The following CTNND2 variants were observed in gnomAD, a reference collection of about 807,000 sequenced individuals.
CTNND2 encodes catenin delta 2.
CTNND2 carries 22 observed loss-of-function variants against 144.4 expected under a neutral mutation model. The ratio of observed to expected loss-of-function variants is 0.15; its 90% confidence interval spans 0.11 to 0.22. The LOEUF (loss-of-function observed/expected upper bound fraction) is 0.22. CTNND2 is among the 10% of genes least tolerant of loss of function. The probability of loss-of-function intolerance (pLI) is 1.00; values close to 1 mark genes in which losing one functional copy is unlikely to be tolerated. For synonymous variants in CTNND2, 751 were observed against 695.6 expected, an observed-to-expected ratio of 1.08 and a Z score of -1.25; for missense variants, 1,353 against 1,618.8, an observed-to-expected ratio of 0.84 and a Z score of 2.82.
intron 2 of CTNND2, among the ~76,000 whole-genome samples, chr5:11,684,382 G>A (rs984991704): frequency 3.3e-5 from 5 of 152,106 alleles, no homozygotes; most frequent in South Asian, 2.1e-4. Context: ...GATTACAGGC[G>A]TGAGCCACCG....
chr5:11,794,074 G>A (rs1272472985), intron 1 of CTNND2, among the ~76,000 whole-genome samples: 1 of 152,232 alleles, frequency 6.6e-6, no homozygotes, highest in African/African-American at 2.4e-5. Flanking sequence ...CTGCATGTCA[G>A]TGTACCATAT....
intron 16 of CTNND2, among the ~76,000 whole-genome samples, chr5:11,065,163 G>C (rs1431190670): frequency 1.3e-5 from 2 of 152,234 alleles, no homozygotes; most frequent in Non-Finnish European, 2.9e-5. Flanking sequence ...TAGAAGTCCT[G>C]CTTTAAGCCA....
intron 1 of CTNND2, among the ~76,000 whole-genome samples, chr5:11,800,453 T>C (rs932599615): frequency 4.6e-5 from 7 of 152,146 alleles, no homozygotes; most frequent in African/African-American, 1.4e-4. Context: ...TTTAAAGATG[T>C]TATTGAGCGT....
rs1265564330 is a variant in CTNND2, at chr5:11,647,694, T to C, written c.175-82638A>G. Reference sequence around the variant, plus strand: ...GGCTTCTCCACCTGTCTGATAACCATTGGCGACCTTCTCAAGGTTGCATCA... The same window carrying C: ...GGCTTCTCCACCTGTCTGATAACCACTGGCGACCTTCTCAAGGTTGCATCA... On this transcript the variant is annotated intron_variant, in intron 2 of 21. Transcript: ENST00000304623. Among the ~76,000 whole-genome samples, 7 of 152,134 alleles carry C rather than the reference T, an allele frequency of 4.6e-5. No individual in the cohort carries two copies. In the South Asian group the frequency reaches 1.0e-3, roughly 23 times the overall value.
At chr5:11,392,529 GAAAATGTTACAGC>G (rs1759725789) in intron 6 of CTNND2, among the ~76,000 whole-genome samples, 1 of 152,106 alleles carries the variant, frequency 6.6e-6, no homozygotes, top group Non-Finnish European at 1.5e-5. Flanking sequence ...GCTCAGAAGA[GAAAATGTTACAGC>G]AAAACACATA....
chr5:11,647,227 T>G (rs569318543), intron 2 of CTNND2, among the ~76,000 whole-genome samples: 1 of 152,220 alleles, frequency 6.6e-6, no homozygotes, highest in South Asian at 2.1e-4. Context: ...CCCCAATTCT[T>G]TTGTCAATTT....
Position 11,052,426 on chromosome 5 carries a change from T to C in CTNND2, c.2789-29447A>G, listed in dbSNP as rs1745936238. Reference sequence around the variant, plus strand: ...TGTCCTCATTAACGTCACTTACTATTCCAGGAGATTCTTGCCAATGCAAAT... The same window carrying C: ...TGTCCTCATTAACGTCACTTACTATCCCAGGAGATTCTTGCCAATGCAAAT... On this transcript the variant is annotated intron_variant, in intron 16 of 21. Transcript: ENST00000304623. Among the ~76,000 whole-genome samples, 4 of 152,282 alleles carry C rather than the reference T, an allele frequency of 2.6e-5. No individual in the cohort carries two copies. In the South Asian group the frequency reaches 8.3e-4, roughly 32 times the overall value.
intron 16 of CTNND2, among the ~76,000 whole-genome samples, chr5:11,053,814 T>C (rs1746082862): frequency 1.3e-5 from 2 of 152,240 alleles, no homozygotes; most frequent in Admixed American, 1.3e-4. Context: ...TTCCAGCTTC[T>C]GTGTGGTTGC....
chr5:11,023,299 GC>G (rs1182852790), intron 16 of CTNND2, among the ~76,000 whole-genome samples: 1 of 152,188 alleles, frequency 6.6e-6, no homozygotes, highest in African/African-American at 2.4e-5. Context: ...ATACAAGGTT[GC>G]TGTAAAGCAT....
At chr5:11,395,808 T>C (rs1434946617) in intron 6 of CTNND2, among the ~76,000 whole-genome samples, 1 of 148,534 alleles carries the variant, frequency 6.7e-6, no homozygotes, top group African/African-American at 2.6e-5. Context: ...TCCAAAAAAC[T>C]TCCAGCTCCT....
At chr5:11,639,912 G>A (rs1050231981) in intron 2 of CTNND2, among the ~76,000 whole-genome samples, 2 of 152,134 alleles carry the variant, frequency 1.3e-5, no homozygotes, top group Non-Finnish European at 2.9e-5. Flanking sequence ...TCTTAACAAT[G>A]AAAGTCTGGC....
At chr5:11,436,462 T>C (rs891114134) in intron 3 of CTNND2, among the ~76,000 whole-genome samples, 5 of 152,200 alleles carry the variant, frequency 3.3e-5, no homozygotes, top group Admixed American at 2.0e-4. Context: ...ATTTTATAGA[T>C]TGTTCTTAGT....
intron 14 of CTNND2, among the ~76,000 whole-genome samples, 166 bp downstream of exon 14, chr5:11,110,686 TTTCATG>T (rs1752876983): frequency 6.6e-6 from 1 of 152,160 alleles, no homozygotes; most frequent in Admixed American, 6.5e-5. Flanking sequence ...AGGGAAATCA[TTTCATG>T]TCCCACCGTC....
chr5:11,367,754 A>G (rs1462114782), intron 7 of CTNND2, among the ~76,000 whole-genome samples: 1 of 152,166 alleles, frequency 6.6e-6, no homozygotes, highest in African/African-American at 2.4e-5. Flanking sequence ...GGCCTTGACC[A>G]AGACCCTGCA....
At chr5:11,008,172 GACTGAATAAT>G (rs986224889) in intron 18 of CTNND2, among the ~76,000 whole-genome samples, 12 of 152,152 alleles carry the variant, frequency 7.9e-5, no homozygotes, top group African/African-American at 1.4e-4. Context: ...GGGAGTGGGA[GACTGAATAAT>G]ACTGCCTCCC....
intron 2 of CTNND2, among the ~76,000 whole-genome samples, chr5:11,640,512 C>T (rs543574857): frequency 1.3e-5 from 2 of 152,160 alleles, no homozygotes; most frequent in African/African-American, 4.8e-5. Context: ...CTAGAAAAAA[C>T]CAACAACAAT....
chr5:11,645,813 T>C (rs773213213), intron 2 of CTNND2, among the ~76,000 whole-genome samples: 4 of 152,120 alleles, frequency 2.6e-5, no homozygotes, highest in Non-Finnish European at 5.9e-5. Flanking sequence ...AACAATCACA[T>C]TACCTGTGAA....
At chr5:11,260,711 C>T (rs1295466188) in intron 9 of CTNND2, among the ~76,000 whole-genome samples, 1 of 152,130 alleles carries the variant, frequency 6.6e-6, no homozygotes, top group African/African-American at 2.4e-5. Flanking sequence ...CACCTCTCAA[C>T]AAGATAGTAC....
chr5:11,098,470 A>G, intron 15 of CTNND2, 105 bp downstream of exon 15: 1 of 1,028,462 alleles, frequency 9.7e-7, no homozygotes, highest in South Asian at 1.8e-5. Flanking sequence ...CTAACATCCT[A>G]GAAATCTTTA....
Sources: gnomAD v4.1 joint callset for allele counts (sites outside exome capture counted in the v4.1 genomes callset) on GRCh38, gnomAD v4.1.1 for gene constraint, MANE v1.5 for transcripts, NCBI Gene and HGNC (gene_info 2026-07-23, HGNC 2026-07-21) for gene names.